PDE12: variants seen among roughly 807,000 people sequenced by gnomAD.
The protein encoded by PDE12 is 2',5'-phosphodiesterase 12.
In PDE12, 26 loss-of-function variants were observed where a neutral mutation model predicts 45.4. The observed-to-expected ratio is 0.57, with a 90% CI of 0.42 to 0.79. The LOEUF is 0.79. Ranked by LOEUF, PDE12 falls within the 30% of genes least tolerant of loss-of-function variation. The pLI, the probability that PDE12 is intolerant of heterozygous loss-of-function variation, is 0.00. For synonymous variants in PDE12, 283 were observed against 323.9 expected (o/e 0.87, Z 1.36); for missense variants, 668 against 790.0 (o/e 0.85, Z 1.85).
the PDE12 span, among the ~76,000 whole-genome samples, chr3:57,617,984 A>G: frequency 6.6e-6 from 1 of 152,192 alleles, no homozygotes; most frequent in African/African-American, 2.4e-5. Context: ...CCTTCGCAAC[A>G]AAGTGGATGC....
downstream of PDE12, among the ~76,000 whole-genome samples, chr3:57,570,338 A>C (rs1310124888): frequency 2.7e-5 from 4 of 147,876 alleles, no homozygotes; most frequent in African/African-American, 1.0e-4. Flanking sequence ...CAGCCTCTCA[A>C]GTAGCTGGGA....
Position 57,557,435 on chromosome 3 carries a change from T to A in PDE12, c.1056T>A (p.Val352=), listed in dbSNP as rs577339074. 4.3e-6 allele frequency: 7 copies of A among 1,614,012 alleles called. No homozygotes were observed. The highest frequency in any genetic ancestry group is 5.9e-6 in the Non-Finnish European group (7 of 1,180,012). ...CCGATGTCATCTGTTTGCAGGAGGT[T>A]GACCGCGCAGTGTTTTCTGACAGCT... ...YNADVICLQE[V]DRAVFSDSLV... The change falls in exon 1 of 3, where the codon GTT becomes GTA. Residue 352 remains valine, a synonymous_variant. Coordinates refer to ENST00000311180, the MANE Select transcript of PDE12 (RefSeq NM_177966.7).
the PDE12 span, among the ~76,000 whole-genome samples, chr3:57,653,632 G>A: frequency 3.3e-5 from 5 of 151,606 alleles, no homozygotes; most frequent in African/African-American, 9.7e-5. Flanking sequence ...TGTAGTCCCA[G>A]CTACTCGGGA....
the PDE12 span, among the ~76,000 whole-genome samples, chr3:57,581,180 C>T: frequency 1.3e-5 from 2 of 152,150 alleles, no homozygotes; most frequent in Non-Finnish European, 2.9e-5. Flanking sequence ...AAGTTAGAAA[C>T]ATGGTTAAAG....
chr3:57,590,341 C>A, the PDE12 span, among the ~76,000 whole-genome samples: 1 of 151,638 alleles, frequency 6.6e-6, no homozygotes, highest in Non-Finnish European at 1.5e-5. Flanking sequence ...CAAAAATTAG[C>A]CGGGCGCAGT....
At chr3:57,618,872 T>G in the PDE12 span, among the ~76,000 whole-genome samples, 1 of 151,964 alleles carries the variant, frequency 6.6e-6, no homozygotes. Context: ...CCTCCCAAAG[T>G]GCTGGGATTA....
the PDE12 span, among the ~76,000 whole-genome samples, chr3:57,640,527 G>A: frequency 2.6e-5 from 4 of 152,036 alleles, no homozygotes; most frequent in South Asian, 2.1e-4. Context: ...TGGGAGAGCC[G>A]AGATAGTGCC....
Position 57,561,419 on chromosome 3 carries a change from A to G in PDE12, c.*1415A>G, listed in dbSNP as rs2153407607. On this transcript the variant is annotated 3_prime_UTR_variant, in exon 3 of 3. Transcript: ENST00000311180. ...TTGAGTTACAGACAACAGTGTGTAT[A>G]TATGTAATATATATATAGTAAAATG... 1 of 966,408 alleles carries G rather than the reference A, an allele frequency of 1.0e-6. No homozygotes were observed. Among genetic ancestry groups the G allele is most frequent in the Non-Finnish European group, 1.2e-6 (1 of 812,252 alleles). The allele number at this position is 966,408 out of a possible 1,614,324, so 59.9% of individuals were successfully genotyped here.
At chr3:57,600,506 C>T in the PDE12 span, among the ~76,000 whole-genome samples, 1 of 149,790 alleles carries the variant, frequency 6.7e-6, no homozygotes, top group African/African-American at 2.5e-5. Flanking sequence ...TCCCTTTTTC[C>T]TCCTGCCTCA....
chr3:57,618,975 C>A, the PDE12 span, among the ~76,000 whole-genome samples: 1 of 151,900 alleles, frequency 6.6e-6, no homozygotes, highest in Non-Finnish European at 1.5e-5. Flanking sequence ...ATACATTTAA[C>A]GAATTAAATA....
At chr3:57,608,870 G>A in the PDE12 span, among the ~76,000 whole-genome samples, 24 of 152,276 alleles carry the variant, frequency 1.6e-4, no homozygotes, top group South Asian at 4.6e-3. Context: ...ATTGAACTCA[G>A]CTCTGCACCA....
Position 57,564,606 on chromosome 3 carries a change from C to T in PDE12, c.*4602C>T, listed in dbSNP as rs1302730302. 6.6e-6 allele frequency: 1 copy of T among 151,888 alleles called. No individual in the cohort carries two copies. Among genetic ancestry groups the T allele is most frequent in the Non-Finnish European group, 1.5e-5 (1 of 68,010 alleles). The allele number at this position is 151,888 out of a possible 1,614,324, so 9.4% of individuals were successfully genotyped here. A position where few individuals can be genotyped will look rare whatever the true frequency, so the allele number is the denominator to read the frequency against. ...TGTTCCTTATATATTGAAGATGGTT[C>T]AGTAGGGGAAATGGATAGGCTTTAT... is the stretch of plus-strand genomic sequence containing the variant. On this transcript the variant is annotated 3_prime_UTR_variant, in exon 3 of 3. Coordinates refer to ENST00000311180, the MANE Select transcript of PDE12 (RefSeq NM_177966.7).
At chr3:57,627,869 G>T in the PDE12 span, 1 of 185,282 alleles carries the variant, frequency 5.4e-6, no homozygotes, top group Admixed American at 5.5e-5. Flanking sequence ...ATTGGGCAAA[G>T]CAGCACCAAT....
At chr3:57,594,302 T>C in the PDE12 span, among the ~76,000 whole-genome samples, 10 of 152,326 alleles carry the variant, frequency 6.6e-5, no homozygotes, top group African/African-American at 2.4e-4. Context: ...GGTCTTGCTA[T>C]GTTGACCAGG....
At chr3:57,647,185 G>T in the PDE12 span, among the ~76,000 whole-genome samples, 1 of 152,042 alleles carries the variant, frequency 6.6e-6, no homozygotes, top group East Asian at 1.9e-4. Flanking sequence ...AAAAAGAAAA[G>T]AAAAATCAAA....
the PDE12 span, among the ~76,000 whole-genome samples, chr3:57,615,149 A>G: frequency 6.6e-6 from 1 of 151,940 alleles, no homozygotes; most frequent in Non-Finnish European, 1.5e-5. Flanking sequence ...CTGAGCTCAG[A>G]CAGCTCGCCC....
At chr3:57,625,458 TTAAAA>T in the PDE12 span, 1 of 152,628 alleles carries the variant, frequency 6.6e-6, no homozygotes, top group African/African-American at 2.4e-5. Flanking sequence ...TCCAAGTGCT[TTAAAA>T]TCCAAGGCCT....
chr3:57,577,337 T>C, the PDE12 span: 3 of 1,613,648 alleles, frequency 1.9e-6, no homozygotes, highest in African/African-American at 4.0e-5. Context: ...GCTCATCTGC[T>C]ACTTCCTGAA....
At chr3:57,615,093 A>G in the PDE12 span, among the ~76,000 whole-genome samples, 1 of 150,428 alleles carries the variant, frequency 6.6e-6, no homozygotes, top group African/African-American at 2.5e-5. Context: ...TTTGTATTTT[A>G]GTAGAGACGG....
Sources: gnomAD v4.1 joint callset for allele counts (sites outside exome capture counted in the v4.1 genomes callset) on GRCh38, gnomAD v4.1.1 for gene constraint, MANE v1.5 for transcripts, NCBI Gene and HGNC (gene_info 2026-07-23, HGNC 2026-07-21) for gene names.